The following KCNH5 variants were observed in gnomAD, a reference collection of about 807,000 sequenced individuals.
KCNH5 encodes the protein voltage-gated delayed rectifier potassium channel KCNH5.
KCNH5 carries 46 observed loss-of-function variants against 96.1 expected under a neutral mutation model. The observed-to-expected ratio is 0.48, with a 90% CI of 0.38 to 0.61. The LOEUF is 0.61. KCNH5 is among the 20% of genes least tolerant of loss of function. The pLI is 0.00. For synonymous variants in KCNH5, 439 were observed against 449.8 expected, an observed-to-expected ratio of 0.98 and a Z score of 0.30; for missense variants, 907 against 1,225.8, an observed-to-expected ratio of 0.74 and a Z score of 3.88.
At chr14:62,746,908 C>T (rs967910628) in intron 10 of KCNH5, among the ~76,000 whole-genome samples, 4 of 152,166 alleles carry the variant, frequency 2.6e-5, no homozygotes, top group Admixed American at 1.3e-4. Flanking sequence ...TAAATTGAAG[C>T]AAATAGTGTT....
At chr14:62,961,587 C>G (rs1210432006) in intron 6 of KCNH5, among the ~76,000 whole-genome samples, 1 of 152,068 alleles carries the variant, frequency 6.6e-6, no homozygotes, top group East Asian at 1.9e-4. Flanking sequence ...GCTATGTAAG[C>G]AAAGAGACAA....
chr14:63,006,854 A>G (rs1891137640), intron 2 of KCNH5, among the ~76,000 whole-genome samples: 1 of 152,216 alleles, frequency 6.6e-6, no homozygotes, highest in Admixed American at 6.5e-5. Context: ...GCCTGTCAGT[A>G]TTGGAAACAG....
chr14:62,848,086 G>A (rs538497524), intron 8 of KCNH5, among the ~76,000 whole-genome samples: 5 of 152,282 alleles, frequency 3.3e-5, no homozygotes, highest in Admixed American at 1.3e-4. Flanking sequence ...TTTCAAATAC[G>A]TAAAAGGCCA....
intron 5 of KCNH5, among the ~76,000 whole-genome samples, chr14:62,986,745 G>T (rs915738309): frequency 5.9e-5 from 9 of 152,038 alleles, no homozygotes; most frequent in South Asian, 2.1e-4. Context: ...TACATCCTTT[G>T]CAGAGTGCCA....
Position 63,045,255 on chromosome 14 carries a change from GGAAGAGGAGGAAAAGGTGGAA to G in KCNH5, c.-90_-70del. 8.3e-7 allele frequency: 1 copy of G among 1,201,108 alleles called. No individual in the cohort carries two copies. The highest frequency in any genetic ancestry group is 1.2e-6 in the Non-Finnish European group (1 of 814,080). 74.4% of individuals were successfully genotyped at this position (1,201,108 alleles called of 1,614,324 possible). The stretch of plus-strand genomic sequence containing the variant: ...GGGGGATGCAGGCAAAGAAGGTGGA[GGAAGAGGAGGAAAAGGTGGAA>G]GAGAAGATTGAGCCGAAAGAAGAGG... On this transcript the variant is annotated 5_prime_UTR_variant, in exon 1 of 11. Coordinates refer to ENST00000322893, the MANE Select transcript of KCNH5 (RefSeq NM_139318.5).
chr14:62,970,768 G>A (rs1296494234), intron 6 of KCNH5, among the ~76,000 whole-genome samples: 5 of 151,782 alleles, frequency 3.3e-5, no homozygotes, highest in Non-Finnish European at 7.4e-5. Flanking sequence ...ATCAATGGAT[G>A]TAGATAAATC....
chr14:62,889,457 C>A (rs1178354398), intron 7 of KCNH5, among the ~76,000 whole-genome samples: 1 of 152,128 alleles, frequency 6.6e-6, no homozygotes, highest in Non-Finnish European at 1.5e-5. Context: ...AGCCACATGG[C>A]AGGAAGCAAG....
At chr14:62,814,782 CAAAAAAAAAAAAAA>C (rs71120235) in intron 8 of KCNH5, among the ~76,000 whole-genome samples, 10 of 33,756 alleles carry the variant, frequency 3.0e-4, no homozygotes, top group South Asian at 1.1e-3. Flanking sequence ...GACTCCATCT[CAAAAAAAAAAAAAA>C]AAAAAAAAAA....
intron 3 of KCNH5, among the ~76,000 whole-genome samples, chr14:63,005,335 A>C (rs1891104404): frequency 6.6e-6 from 1 of 152,236 alleles, no homozygotes; most frequent in African/African-American, 2.4e-5. Context: ...CTACTAATAA[A>C]AAGAGAAATC....
rs1885566861 is a variant in KCNH5, at chr14:62,754,178, C to G, written c.2019+25550G>C. Among the ~76,000 whole-genome samples the G allele has an allele frequency of 2.0e-5, 3 of 152,118 alleles. No homozygotes were observed. In the South Asian group the frequency reaches 6.2e-4, roughly 32 times the overall value. On this transcript the variant is annotated intron_variant, in intron 10 of 10. Transcript: ENST00000322893. ...TTTGCAATCAGTATTAATTTGTCAT[C>G]AGCTTAAAATAATTGGTTATAATAT...
At chr14:62,985,247 A>G (rs965851479) in intron 5 of KCNH5, among the ~76,000 whole-genome samples, 10 of 152,178 alleles carry the variant, frequency 6.6e-5, no homozygotes, top group African/African-American at 2.4e-4. Flanking sequence ...CTTCAGAAAC[A>G]TGTCTGCACA....
chr14:62,960,616 T>C (rs1890188971), intron 6 of KCNH5, among the ~76,000 whole-genome samples: 3 of 152,270 alleles, frequency 2.0e-5, no homozygotes, highest in South Asian at 2.1e-4. Context: ...ATAGATTTTA[T>C]ACATGAATGA....
intron 7 of KCNH5, among the ~76,000 whole-genome samples, chr14:62,873,304 A>T (rs1023865962): frequency 6.6e-6 from 1 of 152,232 alleles, no homozygotes; most frequent in African/African-American, 2.4e-5. Flanking sequence ...CAAAATAATG[A>T]TAATTTAAAA....
At chr14:62,841,617 C>A (rs920083576) in intron 8 of KCNH5, among the ~76,000 whole-genome samples, 1 of 152,206 alleles carries the variant, frequency 6.6e-6, no homozygotes, top group Non-Finnish European at 1.5e-5. Flanking sequence ...CCACTGAATA[C>A]CAAGCAAAAA....
At chr14:62,815,314 T>C (rs1886955486) in intron 8 of KCNH5, among the ~76,000 whole-genome samples, 1 of 152,174 alleles carries the variant, frequency 6.6e-6, no homozygotes, top group South Asian at 2.1e-4. Context: ...ACATGGGATA[T>C]AGACTTCTGG....
At position 62,701,124 on chromosome 14, in the gene KCNH5, T is replaced by A. The variant is rs749109055; in HGVS notation, c.*6384A>T. Reference sequence around the variant, plus strand: ...GATCAGATCTTTTTGTTTCCTCCCATCAAAATGCAGCCCAACCAGCCAAGT... The same window carrying A: ...GATCAGATCTTTTTGTTTCCTCCCAACAAAATGCAGCCCAACCAGCCAAGT... On this transcript the variant is annotated 3_prime_UTR_variant, in exon 11 of 11. Transcript: ENST00000322893. 6 of 152,096 alleles carry A rather than the reference T, an allele frequency of 3.9e-5. No homozygotes were observed. Among genetic ancestry groups the A allele is most frequent in the Admixed American group, 6.6e-5 (1 of 15,248 alleles). 9.4% of individuals were successfully genotyped at this position (152,096 alleles called of 1,614,324 possible).
At chr14:62,819,653 C>T (rs1488983536) in intron 8 of KCNH5, among the ~76,000 whole-genome samples, 2 of 152,070 alleles carry the variant, frequency 1.3e-5, no homozygotes, top group Non-Finnish European at 2.9e-5. Flanking sequence ...CTGGCTACTT[C>T]AGGGAAAAGA....
chr14:62,769,129 C>A (rs1400813137), intron 10 of KCNH5, among the ~76,000 whole-genome samples: 1 of 152,240 alleles, frequency 6.6e-6, no homozygotes, highest in Non-Finnish European at 1.5e-5. Flanking sequence ...CAATTATCAC[C>A]TGTATGGCCA....
At chr14:62,724,122 T>C (rs533062003) in intron 10 of KCNH5, among the ~76,000 whole-genome samples, 2 of 152,356 alleles carry the variant, frequency 1.3e-5, no homozygotes, top group African/African-American at 4.8e-5. Flanking sequence ...TAATGTGCCA[T>C]GTATACTAAT....
Sources: gnomAD v4.1 joint callset for allele counts (sites outside exome capture counted in the v4.1 genomes callset) on GRCh38, gnomAD v4.1.1 for gene constraint, MANE v1.5 for transcripts, NCBI Gene and HGNC (gene_info 2026-07-23, HGNC 2026-07-21) for gene names.